CLIP1: variants seen among roughly 807,000 people sequenced by gnomAD.
CLIP1 encodes the protein CAP-Gly domain containing linker protein 1.
A neutral mutation model predicts 161.6 loss-of-function variants in CLIP1; 66 were observed. The ratio of observed to expected loss-of-function variants is 0.41; its 90% CI spans 0.33 to 0.50. The LOEUF (loss-of-function observed/expected upper bound fraction) is 0.50. Among genes scored for constraint, CLIP1 ranks in the 20% least tolerant of loss-of-function variants. The probability of loss-of-function intolerance (pLI) is 0.27; values close to 1 mark genes in which losing one functional copy is unlikely to be tolerated. For synonymous variants in CLIP1, 598 were observed against 626.2 expected (o/e 0.96, Z 0.67); for missense variants, 1,376 against 1,702.0 (o/e 0.81, Z 3.37).
Position 122,364,206 on chromosome 12 carries a change from C to T in CLIP1, c.658-99G>A, listed in dbSNP as rs190034486. On this transcript the variant is annotated intron_variant, in intron 3 of 25. Transcript: ENST00000620786. ...AACTAGGTACTACATTCCATCATTT[C>T]CACCAGCAACTTCTTTGCTTTAGCT... 2.8e-3 allele frequency: 3,838 copies of T among 1,391,874 alleles called. 12 individuals carry two copies. The highest frequency in any genetic ancestry group is 3.2e-3 in the Non-Finnish European group (3,208 of 1,004,004). The allele number at this position is 1,391,874 out of a possible 1,614,324, so 86.2% of individuals were successfully genotyped here.
chr12:122,389,943 T>A (rs1955521092), intron 1 of CLIP1, among the ~76,000 whole-genome samples: 1 of 149,852 alleles, frequency 6.7e-6, no homozygotes, highest in East Asian at 2.0e-4. Flanking sequence ...TTTTTGACAG[T>A]GAGTTCTTGC....
At chr12:122,352,923 G>GC in intron 7 of CLIP1, 137 bp from the exon 8 acceptor site, 1 of 708,540 alleles carries the variant, frequency 1.4e-6, no homozygotes, top group South Asian at 1.6e-5. Context: ...GGAGGTGGAG[G>GC]CAGGAGGATC....
intron 6 of CLIP1, 192 bp from the exon 7 acceptor site, chr12:122,354,748 A>G (rs1199842738): frequency 5.1e-6 from 3 of 587,578 alleles, no homozygotes; most frequent in Non-Finnish European, 9.2e-6. Flanking sequence ...AAAGTGATAA[A>G]GAACAATGTT....
rs1179187571 is a variant in CLIP1 at position 122,390,279 on chromosome 12, C to CATATATATATAT, written c.-106-9733_-106-9722dup. On this transcript the variant is annotated intron_variant, in intron 1 of 25. Transcript: ENST00000620786. ...ATATATACACACACATATATATATA[C>CATATATATATAT]ATATATATATATATATATATATATG... Among the ~76,000 whole-genome samples, 142 of 79,000 alleles carry CATATATATATAT rather than the reference C, an allele frequency of 1.8e-3. 1 individual carries two copies. Among genetic ancestry groups the CATATATATATAT allele is most frequent in the Non-Finnish European group, 3.1e-3 (114 of 36,834 alleles). The allele number at this position is 79,000 out of a possible 152,430, so 51.8% of individuals were successfully genotyped here. A position where few individuals can be genotyped will look rare whatever the true frequency, so the allele number is the denominator to read the frequency against.
At chr12:122,319,545 T>C (rs1453356438) in intron 17 of CLIP1, among the ~76,000 whole-genome samples, 197 bp from the exon 18 acceptor site, 2 of 152,250 alleles carry the variant, frequency 1.3e-5, no homozygotes, top group Non-Finnish European at 2.9e-5. Flanking sequence ...AAGTAGAATA[T>C]GCAGACCCTT....
At chr12:122,405,752 C>G (rs1215262357) in intron 1 of CLIP1, among the ~76,000 whole-genome samples, 2 of 148,628 alleles carry the variant, frequency 1.3e-5, no homozygotes, top group African/African-American at 5.0e-5. Context: ...CATGCCACCA[C>G]ACTATCTCAA....
chr12:122,422,042 C>A (rs1013620584), intron 1 of CLIP1, among the ~76,000 whole-genome samples: 17 of 152,168 alleles, frequency 1.1e-4, no homozygotes, highest in African/African-American at 4.1e-4. Flanking sequence ...CATGCCGGAT[C>A]GCGGGCGCCG....
chr12:122,374,858 T>C (rs961682811), intron 3 of CLIP1, among the ~76,000 whole-genome samples: 1 of 152,140 alleles, frequency 6.6e-6, no homozygotes, highest in Non-Finnish European at 1.5e-5. Flanking sequence ...AGATAAAGCT[T>C]GTCAGTTCAA....
intron 3 of CLIP1, among the ~76,000 whole-genome samples, chr12:122,375,557 T>C (rs1281101877): frequency 6.6e-6 from 1 of 152,056 alleles, no homozygotes; most frequent in Non-Finnish European, 1.5e-5. Context: ...CCTTAGGTGA[T>C]ATGCCTGCCT....
At chr12:122,325,424 G>A (rs964723687) in intron 17 of CLIP1, among the ~76,000 whole-genome samples, 1 of 151,852 alleles carries the variant, frequency 6.6e-6, no homozygotes, top group African/African-American at 2.4e-5. Flanking sequence ...CTGAAATGTG[G>A]TGAGTGCAAC....
At chr12:122,324,858 C>T (rs1951647601) in intron 17 of CLIP1, among the ~76,000 whole-genome samples, 1 of 152,158 alleles carries the variant, frequency 6.6e-6, no homozygotes, top group Admixed American at 6.5e-5. Context: ...AAACTCACCA[C>T]AGGACCTTAC....
rs1412073670 is a variant in CLIP1, at chr12:122,311,651, T to C, written c.3474-1769A>G. On this transcript the variant is annotated intron_variant, in intron 19 of 25. Transcript: ENST00000620786. The surrounding 1 kb of genome is among the most constrained non-coding windows in gnomAD (Gnocchi z 4.3). ...TGTTGGCCAGGATGGTCTGGATCTC[T>C]TGACCTCGTGATCTGCCCGCCTCGG... 1.3e-5 allele frequency among the ~76,000 whole-genome samples: 2 copies of C among 151,838 alleles called. No homozygotes were observed. Among genetic ancestry groups the C allele is most frequent in the Non-Finnish European group, 2.9e-5 (2 of 67,948 alleles).
chr12:122,393,542 T>C (rs1349545868), intron 1 of CLIP1, among the ~76,000 whole-genome samples: 1 of 152,152 alleles, frequency 6.6e-6, no homozygotes, highest in Admixed American at 6.6e-5. Flanking sequence ...ACAACCCAGT[T>C]AAAGAGAGAC....
At chr12:122,294,608 C>A (rs377427315) in intron 20 of CLIP1, among the ~76,000 whole-genome samples, 222 of 151,888 alleles carry the variant, frequency 1.5e-3, no homozygotes, top group African/African-American at 4.9e-3. Context: ...ATAAAAAGAT[C>A]AAAAAATTAA....
chr12:122,329,395 G>A lies in CLIP1; in HGVS notation c.2868-969C>T, dbSNP rs145998483. 9.5e-3 allele frequency among the ~76,000 whole-genome samples: 1,445 copies of A among 152,034 alleles called. 10 individuals carry two copies. Among genetic ancestry groups the A allele is most frequent in the African/African-American group, 0.032 (1,321 of 41,478 alleles). On this transcript the variant is annotated intron_variant, in intron 15 of 25. Coordinates refer to ENST00000620786, the MANE Select transcript of CLIP1 (RefSeq NM_001247997.2). ...TATAATCCCAGCACTTTGGGAGGCC[G>A]ATGGGGGGGCGGATCACGAGGTTAG...
chr12:122,414,981 C>G (rs1566250126), intron 1 of CLIP1, among the ~76,000 whole-genome samples: 1 of 151,838 alleles, frequency 6.6e-6, no homozygotes, highest in Non-Finnish European at 1.5e-5. Context: ...TCCTCTGAAC[C>G]CAGGAGGTGG....
intron 15 of CLIP1, among the ~76,000 whole-genome samples, chr12:122,329,587 G>A (rs1038118323): frequency 3.4e-5 from 5 of 146,668 alleles, no homozygotes; most frequent in Non-Finnish European, 6.0e-5. Context: ...CCGAGATCGC[G>A]CCACTGCACT....
intron 1 of CLIP1, among the ~76,000 whole-genome samples, chr12:122,410,409 A>ATT (rs998462257): frequency 3.4e-5 from 5 of 149,088 alleles, no homozygotes; most frequent in African/African-American, 1.2e-4. Flanking sequence ...AGTTATATTT[A>ATT]TTTATGTATA....
rs572868860 is a variant in CLIP1, at chr12:122,302,031, T to C, written c.3594+7731A>G. 3.9e-5 allele frequency among the ~76,000 whole-genome samples: 6 copies of C among 152,164 alleles called. No homozygotes were observed. In the East Asian group the frequency reaches 1.2e-3, roughly 29 times the overall value. ...TTTTTTGCATTGAATGTATCTGCAG[T>C]TGGGTTGGTTTTTTTAAGTTTTTAT... is the stretch of plus-strand genomic sequence containing the variant. On this transcript the variant is annotated intron_variant, in intron 20 of 25. Transcript: ENST00000620786.
Sources: gnomAD v4.1 joint callset for allele counts (sites outside exome capture counted in the v4.1 genomes callset) on GRCh38, gnomAD v4.1.1 for gene constraint, Gnocchi (gnomAD v3.1) non-coding constraint, MANE v1.5 for transcripts, NCBI Gene and HGNC (gene_info 2026-07-23, HGNC 2026-07-21) for gene names.